ALMS1: variants seen among roughly 807,000 people sequenced by gnomAD.
The protein encoded by ALMS1 is ALMS1 centrosome and basal body associated protein.
In ALMS1, 271 loss-of-function variants were observed where a neutral mutation model predicts 352.2. That is an observed-to-expected ratio of 0.77 (90% CI 0.70 to 0.85). The LOEUF (loss-of-function observed/expected upper bound fraction) is 0.85, where lower values mean the gene tolerates loss of function less well. Ranked by LOEUF, ALMS1 falls within the 40% of genes least tolerant of loss-of-function variation. The probability of loss-of-function intolerance (pLI) is 0.00; values close to 1 mark genes in which losing one functional copy is unlikely to be tolerated. For missense variants in ALMS1, 5,445 were observed against 4,870.7 expected (o/e 1.12, Z -3.51); for synonymous variants, 1,865 against 1,761.2 (o/e 1.06, Z -1.48).
In ALMS1 at chr2:73,609,521, A is replaced by C. The variant is rs539689627; in HGVS notation, c.12463-47A>C. ...CAGGGAGGAGAGGCATCTGCCTCTG[A>C]TGGCAGTAATATCTAACTTCTTTCC... is the stretch of plus-strand genomic sequence containing the variant. On this transcript the variant is annotated intron_variant, in intron 22 of 22. Coordinates refer to ENST00000613296, the MANE Select transcript of ALMS1 (RefSeq NM_001378454.1). The C allele has an allele frequency of 2.4e-5, 38 of 1,587,658 alleles. No individual in the cohort carries two copies. The South Asian group carries it at 4.2e-4, about 18-fold the overall frequency.
At chr2:73,482,478 G>A (rs1468166623) in intron 9 of ALMS1, among the ~76,000 whole-genome samples, 1 of 147,630 alleles carries the variant, frequency 6.8e-6, no homozygotes, top group Non-Finnish European at 1.5e-5. Flanking sequence ...GATTCAGTTT[G>A]CCAGTATTTT....
chr2:73,545,263 C>T (rs1210766718), intron 12 of ALMS1, among the ~76,000 whole-genome samples: 1 of 151,580 alleles, frequency 6.6e-6, no homozygotes, highest in Non-Finnish European at 1.5e-5. Flanking sequence ...TCACTGCAGC[C>T]TCCGCCTCCC....
intron 1 of ALMS1, 121 bp from the exon 2 acceptor site, chr2:73,408,501 A>C: frequency 8.7e-7 from 1 of 1,143,268 alleles, no homozygotes; most frequent in East Asian, 2.7e-5. Context: ...TGAAATCAAA[A>C]TGTCGTATAT....
chr2:73,581,194 A>G (rs1347702755), intron 16 of ALMS1, among the ~76,000 whole-genome samples: 1 of 152,108 alleles, frequency 6.6e-6, no homozygotes, highest in Admixed American at 6.5e-5. Flanking sequence ...TTTCCCTTGA[A>G]CTGTTAATTT....
chr2:73,548,337 A>G (rs1674362074), intron 12 of ALMS1, among the ~76,000 whole-genome samples: 2 of 152,220 alleles, frequency 1.3e-5, no homozygotes, highest in African/African-American at 4.8e-5. Flanking sequence ...ATACTCGCAC[A>G]TACTATAGCT....
At chr2:73,563,735 AAAAAATAAAAAT>A (rs1331019526) in intron 15 of ALMS1, among the ~76,000 whole-genome samples, 5 of 134,468 alleles carry the variant, frequency 3.7e-5, no homozygotes, top group African/African-American at 1.1e-4. Context: ...AAAAAAAAAA[AAAAAATAAAAAT>A]AAAAAATGAA....
chr2:73,386,819 G>A (rs1011149145), intron 1 of ALMS1, among the ~76,000 whole-genome samples: 1 of 152,016 alleles, frequency 6.6e-6, no homozygotes, highest in South Asian at 2.1e-4. Flanking sequence ...CCGATTTCAT[G>A]GTAGACCCCC....
chr2:73,394,360 C>CT (rs908104416), intron 1 of ALMS1, among the ~76,000 whole-genome samples: 28 of 151,178 alleles, frequency 1.9e-4, no homozygotes, highest in Non-Finnish European at 1.9e-4. Flanking sequence ...TCATCTGGTC[C>CT]TTTTTTTTGT....
At chr2:73,561,210 C>T (rs1674655499) in intron 15 of ALMS1, among the ~76,000 whole-genome samples, 1 of 152,246 alleles carries the variant, frequency 6.6e-6, no homozygotes, top group African/African-American at 2.4e-5. Flanking sequence ...TTCAGGCCTA[C>T]TCAGGCTTCT....
chr2:73,461,025 A>G (rs1477505836), intron 9 of ALMS1, among the ~76,000 whole-genome samples: 2 of 152,244 alleles, frequency 1.3e-5, no homozygotes, highest in Non-Finnish European at 2.9e-5. Flanking sequence ...GGGCATAGCC[A>G]AACAAAAGGC....
chr2:73,399,161 G>A (rs1290592464), intron 1 of ALMS1, among the ~76,000 whole-genome samples: 1 of 152,196 alleles, frequency 6.6e-6, no homozygotes, highest in East Asian at 1.9e-4. Flanking sequence ...TGGATTTTCT[G>A]TATAGACAGA....
intron 7 of ALMS1, among the ~76,000 whole-genome samples, chr2:73,441,052 G>C (rs1249226480): frequency 6.6e-6 from 1 of 152,188 alleles, no homozygotes. Context: ...TGTGTGGGAA[G>C]GGGGAGATGC....
At position 73,491,188 on chromosome 2, in the gene ALMS1, G is replaced by T; in HGVS notation, c.9229G>T (p.Ala3077Ser). ...RFHSLDAASK[A>S]RMNSEFNFDL... ...CCATTCATTGGATGCTGCTTCTAAA[G>T]CGAGGATGAATAGTGAGTTTAACTT... is the stretch of plus-strand genomic sequence containing the variant. The change falls in exon 10 of 23, where the codon GCG becomes TCG. Residue 3077 changes from alanine (A) to serine (S), a missense_variant. Coordinates refer to ENST00000613296, the MANE Select transcript of ALMS1 (RefSeq NM_001378454.1). The T allele has an allele frequency of 6.2e-7, 1 of 1,614,164 alleles. No homozygotes were observed. Among genetic ancestry groups the T allele is most frequent in the Non-Finnish European group, 8.5e-7 (1 of 1,180,030 alleles).
intron 1 of ALMS1, among the ~76,000 whole-genome samples, chr2:73,406,731 T>G (rs1249767185): frequency 6.6e-6 from 1 of 152,182 alleles, no homozygotes; most frequent in East Asian, 1.9e-4. Context: ...GTTCAAGTGG[T>G]TCTCCTGTCT....
Position 73,419,178 on chromosome 2 carries a change from A to G in ALMS1, c.506A>G (p.Asp169Gly), listed in dbSNP as rs1294252761. ...GAAATGGACTCTTCCCAAACCTTGG[A>G]TACATCCCAGACTAGGTTTAATGTG... ...PQEMDSSQTL[D>G]TSQTRFNVRT... The change falls in exon 3 of 23, where the codon GAT becomes GGT. Residue 169 changes from aspartate (D) to glycine (G), a missense_variant. Transcript: ENST00000613296. 2 of 1,614,084 alleles carry G rather than the reference A, an allele frequency of 1.2e-6. No homozygotes were observed. The highest frequency in any genetic ancestry group is 2.2e-5 in the East Asian group (1 of 44,868).
intron 3 of ALMS1, among the ~76,000 whole-genome samples, chr2:73,421,003 A>G (rs1385150598): frequency 2.0e-5 from 3 of 152,212 alleles, no homozygotes; most frequent in Admixed American, 6.5e-5. Flanking sequence ...AGGCATGGCA[A>G]GTAAAATACA....
At chr2:73,467,478 A>T (rs895435296) in intron 9 of ALMS1, among the ~76,000 whole-genome samples, 15 of 152,268 alleles carry the variant, frequency 9.9e-5, no homozygotes, top group African/African-American at 3.4e-4. Flanking sequence ...GTTATGAAGC[A>T]ACTGGAATAG....
chr2:73,608,734 T>C (rs1333235741), intron 22 of ALMS1, among the ~76,000 whole-genome samples, 160 bp downstream of exon 22: 1 of 152,188 alleles, frequency 6.6e-6, no homozygotes, highest in East Asian at 1.9e-4. Context: ...GAAGAAGGCA[T>C]CTGTAATTAG....
intron 13 of ALMS1, among the ~76,000 whole-genome samples, chr2:73,552,372 T>C (rs1321578463): frequency 6.6e-6 from 1 of 152,194 alleles, no homozygotes; most frequent in Non-Finnish European, 1.5e-5. Context: ...CACCAGGGAA[T>C]CCGTTACGTG....
Sources: allele counts gnomAD v4.1 joint callset (sites outside exome capture counted in the v4.1 genomes callset), GRCh38; gene constraint gnomAD v4.1.1; transcripts MANE v1.5; gene names NCBI Gene and HGNC (gene_info 2026-07-23, HGNC 2026-07-21).